Variants in BMERB1 observed in about 807,000 individuals in gnomAD.
BMERB1 encodes bMERB domain containing 1, also known as bMERB domain-containing protein 1.
BMERB1 carries 12 observed loss-of-function variants against 23.6 expected under a neutral mutation model. The ratio of observed to expected loss-of-function variants is 0.51; its 90% confidence interval spans 0.33 to 0.82. The LOEUF (loss-of-function observed/expected upper bound fraction) is 0.82, where lower values mean the gene tolerates loss of function less well. Ranked by LOEUF, BMERB1 falls within the 40% of genes least tolerant of loss-of-function variation. The probability of loss-of-function intolerance (pLI) is 0.03; values close to 1 mark genes in which losing one functional copy is unlikely to be tolerated. For missense variants in BMERB1, 247 were observed against 255.4 expected (o/e 0.97, Z 0.22); for synonymous variants, 122 against 96.6 (o/e 1.26, Z -1.54).
chr16:15,509,155 C>T (rs779138676), intron 1 of BMERB1, among the ~76,000 whole-genome samples: 2 of 151,898 alleles, frequency 1.3e-5, no homozygotes, highest in Non-Finnish European at 2.9e-5. Context: ...GGTGTGTTGC[C>T]GTTTTCAGCA....
intron 1 of BMERB1, among the ~76,000 whole-genome samples, chr16:15,470,098 G>A (rs1435349736): frequency 6.6e-6 from 1 of 152,130 alleles, no homozygotes; most frequent in African/African-American, 2.4e-5. Context: ...TCACCATTAG[G>A]ATGTTAGCTG....
rs1030465723 is a variant in BMERB1, at chr16:15,558,643, C to T, written c.231-9340C>T. 4.0e-5 allele frequency among the ~76,000 whole-genome samples: 6 copies of T among 151,570 alleles called. No individual in the cohort carries two copies. The South Asian group carries it at 6.3e-4, about 16-fold the overall frequency. ...TACCGTAGTCACATATGTGTCGTAG[C>T]GACATATATGTGACATATGACATAT... On this transcript the variant is annotated intron_variant, in intron 2 of 5. Coordinates refer to ENST00000300006, the MANE Select transcript of BMERB1 (RefSeq NM_033201.3).
intron 2 of BMERB1, among the ~76,000 whole-genome samples, chr16:15,529,015 GTGTT>G (rs369446865): frequency 9.0e-4 from 136 of 151,618 alleles, no homozygotes; most frequent in African/African-American, 1.5e-3. Context: ...TGAAAAATAA[GTGTT>G]TGTTTGTTTG....
At chr16:15,542,771 G>A (rs2052098584) in intron 2 of BMERB1, among the ~76,000 whole-genome samples, 1 of 151,654 alleles carries the variant, frequency 6.6e-6, no homozygotes, top group South Asian at 2.1e-4. Context: ...CCCCTTTGCA[G>A]GACTTGTGAC....
intron 2 of BMERB1, among the ~76,000 whole-genome samples, chr16:15,519,854 C>A (rs192477997): frequency 2.0e-5 from 3 of 152,076 alleles, no homozygotes; most frequent in Admixed American, 6.6e-5. Flanking sequence ...TTTCCTGCCA[C>A]GACAGTGAGG....
intron 2 of BMERB1, among the ~76,000 whole-genome samples, chr16:15,548,231 G>A (rs573727612): frequency 1.3e-5 from 2 of 152,144 alleles, no homozygotes; most frequent in South Asian, 4.1e-4. Flanking sequence ...GTGATCTGCT[G>A]GTCTTGGCCT....
intron 5 of BMERB1, 65 bp downstream of exon 5, chr16:15,583,303 C>T: frequency 7.8e-7 from 1 of 1,281,720 alleles, no homozygotes; most frequent in Non-Finnish European, 1.1e-6. Context: ...AGGCCAGGCC[C>T]ACAGTGGATC....
chr16:15,488,790 C>A (rs1442291403), intron 1 of BMERB1, among the ~76,000 whole-genome samples: 17 of 149,790 alleles, frequency 1.1e-4, no homozygotes, highest in African/African-American at 4.2e-4. Flanking sequence ...TGCACTCCAG[C>A]CTGGGCAACA....
chr16:15,438,852 T>TC (rs1446149040), intron 1 of BMERB1, among the ~76,000 whole-genome samples: 3 of 152,194 alleles, frequency 2.0e-5, no homozygotes, highest in Non-Finnish European at 4.4e-5. Flanking sequence ...ATGGATCCAT[T>TC]CCATAAAGCC....
chr16:15,543,343 G>A (rs12924092), intron 2 of BMERB1, among the ~76,000 whole-genome samples: 30,784 of 151,908 alleles, frequency 0.2, 3,645 homozygotes, highest in East Asian at 0.5. Flanking sequence ...GGTCCAGAGC[G>A]GTTTTGGAAA....
intron 1 of BMERB1, among the ~76,000 whole-genome samples, chr16:15,508,337 G>A (rs1003111818): frequency 5.9e-5 from 9 of 152,142 alleles, no homozygotes; most frequent in Non-Finnish European, 1.2e-4. Context: ...AAAGAGCCAG[G>A]TAGTGAATAT....
At chr16:15,493,572 T>C (rs1304189139) in intron 1 of BMERB1, among the ~76,000 whole-genome samples, 1 of 152,060 alleles carries the variant, frequency 6.6e-6, no homozygotes, top group Non-Finnish European at 1.5e-5. Flanking sequence ...ACATGAATGC[T>C]TCCAGATTTG....
At chr16:15,493,221 G>A (rs982307899) in intron 1 of BMERB1, among the ~76,000 whole-genome samples, 1 of 149,996 alleles carries the variant, frequency 6.7e-6, no homozygotes, top group Non-Finnish European at 1.5e-5. Context: ...GCGTGGTGGT[G>A]CATGCCTGTA....
intron 1 of BMERB1, among the ~76,000 whole-genome samples, chr16:15,466,256 A>T (rs561995537): frequency 1.5e-4 from 23 of 152,314 alleles, no homozygotes; most frequent in Admixed American, 7.8e-4. Flanking sequence ...TGATCTTTCC[A>T]GACTGTTAAA....
intron 1 of BMERB1, among the ~76,000 whole-genome samples, chr16:15,477,663 G>A (rs1191219380): frequency 6.6e-6 from 1 of 151,718 alleles, no homozygotes; most frequent in African/African-American, 2.4e-5. Flanking sequence ...TCCTGTTGCT[G>A]GTTTTCTTTC....
intron 2 of BMERB1, among the ~76,000 whole-genome samples, chr16:15,530,903 C>A (rs865952351): frequency 9.2e-6 from 1 of 109,250 alleles, no homozygotes; most frequent in African/African-American, 3.5e-5. Flanking sequence ...TTTCTTCTTT[C>A]TTTTTTTTTT....
intron 1 of BMERB1, among the ~76,000 whole-genome samples, chr16:15,500,010 C>T (rs2051512422): frequency 6.6e-6 from 1 of 152,130 alleles, no homozygotes; most frequent in Admixed American, 6.5e-5. Flanking sequence ...GTAAAGTTAA[C>T]AAATAGTGGA....
intron 2 of BMERB1, among the ~76,000 whole-genome samples, chr16:15,525,036 G>A (rs2051893107): frequency 6.6e-6 from 1 of 152,126 alleles, no homozygotes; most frequent in Non-Finnish European, 1.5e-5. Flanking sequence ...CCAGATGTTT[G>A]GCCAAAGATT....
At chr16:15,482,642 GA>G (rs1322083979) in intron 1 of BMERB1, among the ~76,000 whole-genome samples, 1 of 152,120 alleles carries the variant, frequency 6.6e-6, no homozygotes, top group Non-Finnish European at 1.5e-5. Context: ...TCTGGAGGAG[GA>G]AATCACTGAC....
Sources: allele counts gnomAD v4.1 joint callset (sites outside exome capture counted in the v4.1 genomes callset), GRCh38; gene constraint gnomAD v4.1.1; transcripts MANE v1.5; gene names NCBI Gene and HGNC (gene_info 2026-07-23, HGNC 2026-07-21).